Variants in LRFN3 observed in about 807,000 individuals in gnomAD.
LRFN3 encodes leucine-rich repeat and fibronectin type-III domain-containing protein 3.
A neutral mutation model predicts 23.8 loss-of-function variants in LRFN3; 8 were observed. The observed-to-expected ratio is 0.34, with a 90% CI of 0.20 to 0.61. The LOEUF is 0.61. Ranked by LOEUF, LRFN3 falls within the 20% of genes least tolerant of loss-of-function variation. The pLI is 0.80. For synonymous variants in LRFN3, 451 were observed against 450.6 expected, an observed-to-expected ratio of 1.00 and a Z score of -0.01; for missense variants, 736 against 935.3, an observed-to-expected ratio of 0.79 and a Z score of 2.78.
rs1305106269 is a variant in LRFN3, at chr19:35,940,519, C to T, written c.1094C>T (p.Thr365Ile). Residue 365 changes from threonine (T) to isoleucine (I), a missense_variant, in exon 2 of 3, where the codon ACC becomes ATC. Thr to Ile is a moderately conservative substitution (Grantham distance 89). Transcript: ENST00000246529. The stretch of plus-strand genomic sequence containing the variant: ...GAGCCGGGTGATGGTGGCATCTTCA[C>T]CTGCATTGCGGCCAATGCAGCTGGC... The part of the protein sequence containing the change: ...VTEPGDGGIF[T>I]CIAANAAGEA... 1.2e-6 allele frequency: 2 copies of T among 1,612,454 alleles called. No individual in the cohort carries two copies. Among genetic ancestry groups the T allele is most frequent in the Non-Finnish European group, 8.5e-7 (1 of 1,179,852 alleles).
chr19:35,944,730 C>T lies in LRFN3; in HGVS notation c.1598C>T (p.Pro533Leu). ...CGGCCATGCGGGGCGCCGCACGCTC[C>T]CTTCCTGGGCGGCACGATGATCATC... ...ALRPCGAPHA[P>L]FLGGTMIIAL... The change falls in exon 3 of 3, where the codon CCC becomes CTC. Residue 533 changes from proline to leucine, a missense_variant. Pro to Leu is a moderately conservative substitution (Grantham distance 98). Transcript: ENST00000246529. The surrounding 1 kb of genome is among the most constrained non-coding windows in gnomAD (Gnocchi z 4.5). The T allele has an allele frequency of 6.2e-7, 1 of 1,606,764 alleles. No homozygotes were observed. Among genetic ancestry groups the T allele is most frequent in the Non-Finnish European group, 8.5e-7 (1 of 1,177,028 alleles).
chr19:35,940,469 T>C lies in LRFN3; in HGVS notation c.1044T>C (p.Asn348=). ...CAAGCCGTGCCCGCGCCTTCCCCAATGGGACGCTGGAGCTGCTGGTCACCG... is the reference window on the plus strand; with the variant it reads ...CAAGCCGTGCCCGCGCCTTCCCCAACGGGACGCTGGAGCTGCTGGTCACCG... ...GNSSRARAFP[N]GTLELLVTEP... Residue 348 remains asparagine (N), a synonymous_variant, in exon 2 of 3, where the codon AAT becomes AAC. Transcript: ENST00000246529. 6.2e-7 allele frequency: 1 copy of C among 1,609,936 alleles called. No homozygotes were observed.
intron 2 of LRFN3, among the ~76,000 whole-genome samples, chr19:35,941,977 G>A (rs1158777092): frequency 6.6e-6 from 1 of 151,876 alleles, no homozygotes; most frequent in Non-Finnish European, 1.5e-5. Context: ...CCGCCTCCCA[G>A]GTTCATGCCA....
In LRFN3 at chr19:35,940,199, G is replaced by A. The variant is rs780052653; in HGVS notation, c.774G>A (p.Val258=). 8.7e-6 allele frequency: 14 copies of A among 1,609,606 alleles called. No homozygotes were observed. The South Asian group carries it at 1.4e-4, about 16-fold the overall frequency. Residue 258 remains valine (V), a synonymous_variant, in exon 2 of 3, where the codon GTG becomes GTA. Transcript: ENST00000246529. ...GNPLHCNCEL[V]WLRRLAREDD... ...CCCTGCACTGCAACTGCGAGCTGGT[G>A]TGGCTGCGTCGCCTGGCGCGGGAGG... is the stretch of plus-strand genomic sequence containing the variant.
intron 2 of LRFN3, among the ~76,000 whole-genome samples, chr19:35,941,149 C>T (rs78389250): frequency 0.062 from 9,365 of 151,916 alleles, 410 homozygotes; most frequent in Middle Eastern, 0.13. Context: ...TAAGGATAAA[C>T]GAAATCAGGC....
In LRFN3 at chr19:35,939,374, C is replaced by A. The variant is rs1976089437; in HGVS notation, c.-16-36C>A. 6.5e-7 allele frequency: 1 copy of A among 1,528,590 alleles called. No homozygotes were observed. The highest frequency in any genetic ancestry group is 8.8e-7 in the Non-Finnish European group (1 of 1,139,614). The allele number at this position is 1,528,590 out of a possible 1,614,324, so 94.7% of individuals were successfully genotyped here. A position where few individuals can be genotyped will look rare whatever the true frequency, so the allele number is the denominator to read the frequency against. Reference sequence around the variant, plus strand: ...GACCACCCCCAGCCCCTGCAGAACCCCTCTTCTGCCCTCACGCCTCCCCTC... The same window carrying A: ...GACCACCCCCAGCCCCTGCAGAACCACTCTTCTGCCCTCACGCCTCCCCTC... On this transcript the variant is annotated intron_variant, in intron 1 of 2. Transcript: ENST00000246529. The surrounding 1 kb of genome is among the most constrained non-coding windows in gnomAD (Gnocchi z 6.4).
chr19:35,938,093 G>A (rs977271487), intron 1 of LRFN3, among the ~76,000 whole-genome samples: 7 of 151,986 alleles, frequency 4.6e-5, no homozygotes, highest in African/African-American at 1.5e-4. Flanking sequence ...GTCTGTGACC[G>A]TCCCCATCCA....
chr19:35,944,782 G>T lies in LRFN3; in HGVS notation c.1650G>T (p.Ser550=), dbSNP rs759246987. Reference sequence around the variant, plus strand: ...CGCTGGGCGGCGTCATCGTAGCCTCGGTACTGGTCTTCATCTTCGTGCTGC... The same window carrying T: ...CGCTGGGCGGCGTCATCGTAGCCTCTGTACTGGTCTTCATCTTCGTGCTGC... ...IIALGGVIVA[S]VLVFIFVLLM... Residue 550 remains serine, a synonymous_variant, in exon 3 of 3, where the codon TCG becomes TCT. Coordinates refer to ENST00000246529, the MANE Select transcript of LRFN3 (RefSeq NM_024509.2). The surrounding 1 kb of genome is among the most constrained non-coding windows in gnomAD (Gnocchi z 4.5). 5.6e-6 allele frequency: 9 copies of T among 1,611,106 alleles called. No individual in the cohort carries two copies. In the African/African-American group the frequency reaches 9.4e-5, roughly 17 times the overall value.
chr19:35,937,759 A>G (rs2145298437), intron 1 of LRFN3, among the ~76,000 whole-genome samples: 1 of 152,230 alleles, frequency 6.6e-6, no homozygotes, highest in East Asian at 1.9e-4. Flanking sequence ...TCCCTGCCTC[A>G]GTTGATGGGA....
chr19:35,939,879 G>A lies in LRFN3; in HGVS notation c.454G>A (p.Asp152Asn). The A allele has an allele frequency of 6.2e-7, 1 of 1,601,446 alleles. No homozygotes were observed. The highest frequency in any genetic ancestry group is 8.5e-7 in the Non-Finnish European group (1 of 1,179,800). Residue 152 changes from aspartate (D) to asparagine (N), a missense_variant, in exon 2 of 3, where the codon GAT becomes AAT. By Grantham distance (23) the Asp-to-Asn change is conservative. Around this residue, in one of 2 missense-constraint regions of LRFN3, gnomAD observed 446 missense variants for 647.9 expected, o/e 0.69. Coordinates refer to ENST00000246529, the MANE Select transcript of LRFN3 (RefSeq NM_024509.2). This position sits in a 1 kb window ranked among gnomAD's most constrained non-coding sequence, Gnocchi z 6.4. ...GGCAGCGCTGGCGGCCGGCGCCCTG[G>A]ATGATTGTGCCGAGACACTGGAGGA... Reference protein sequence around the residue: ...QLAALAAGALDDCAETLEDLD... With the variant: ...QLAALAAGALNDCAETLEDLD...
In LRFN3 at chr19:35,944,725, C is replaced by G. The variant is rs140841436; in HGVS notation, c.1593C>G (p.His531Gln). ...CGCTGCGGCCATGCGGGGCGCCGCACGCTCCCTTCCTGGGCGGCACGATGA... is the reference window on the plus strand; with the variant it reads ...CGCTGCGGCCATGCGGGGCGCCGCAGGCTCCCTTCCTGGGCGGCACGATGA... ...EPALRPCGAP[H>Q]APFLGGTMII... The change falls in exon 3 of 3, where the codon CAC becomes CAG. Residue 531 changes from histidine to glutamine, a missense_variant. Transcript: ENST00000246529. The surrounding 1 kb of genome is among the most constrained non-coding windows in gnomAD (Gnocchi z 4.5). 3 of 1,605,850 alleles carry G rather than the reference C, an allele frequency of 1.9e-6. No individual in the cohort carries two copies. The highest frequency in any genetic ancestry group is 1.1e-5 in the South Asian group (1 of 89,994).
intron 2 of LRFN3, among the ~76,000 whole-genome samples, chr19:35,941,646 A>G (rs1017059981): frequency 3.4e-5 from 5 of 149,170 alleles, no homozygotes; most frequent in Non-Finnish European, 7.4e-5. Flanking sequence ...TCGGCTCACT[A>G]CAACCTCCAC....
chr19:35,939,746 G>GGCCCTGCGT lies in LRFN3; in HGVS notation c.329_337dup (p.Arg110_Leu112dup). 4 of 1,604,104 alleles carry GGCCCTGCGT rather than the reference G, an allele frequency of 2.5e-6. No homozygotes were observed. Among genetic ancestry groups the GGCCCTGCGT allele is most frequent in the Non-Finnish European group, 3.4e-6 (4 of 1,178,812 alleles). On this transcript the variant is annotated inframe_insertion, in exon 2 of 3. Coordinates refer to ENST00000246529, the MANE Select transcript of LRFN3 (RefSeq NM_024509.2). This position sits in a 1 kb window ranked among gnomAD's most constrained non-coding sequence, Gnocchi z 6.4. ...CTGCCGGCGCCTTCGCCGACCTGCGGGCCCTGCGTGCCCTGCACCTGGATG... is the reference window on the plus strand; with the variant it reads ...CTGCCGGCGCCTTCGCCGACCTGCGGGCCCTGCGTGCCCTGCGTGCCCTGCACCTGGATG...
chr19:35,942,638 C>G (rs967574495), intron 2 of LRFN3, among the ~76,000 whole-genome samples: 10 of 152,220 alleles, frequency 6.6e-5, no homozygotes, highest in Non-Finnish European at 4.4e-5. Flanking sequence ...GAAAAGGCCA[C>G]TTGATTTCCA....
chr19:35,943,234 G>A (rs12972746), intron 2 of LRFN3, among the ~76,000 whole-genome samples: 28 of 152,274 alleles, frequency 1.8e-4, no homozygotes, highest in Non-Finnish European at 3.2e-4. Flanking sequence ...GTGAAATTGG[G>A]TGGTAAGGAT....
rs1435634338 is a variant in LRFN3, at chr19:35,939,692, C to T, written c.267C>T (p.Ser89=). ...LANMTGLLHL[S]LSRNTIRHVA... ...ACATGACAGGCCTGCTGCATCTGAG[C>T]CTGTCGCGGAACACCATCCGCCACG... Residue 89 remains serine, a synonymous_variant, in exon 2 of 3, where the codon AGC becomes AGT. Coordinates refer to ENST00000246529, the MANE Select transcript of LRFN3 (RefSeq NM_024509.2). This position sits in a 1 kb window ranked among gnomAD's most constrained non-coding sequence, Gnocchi z 6.4. 2 of 1,606,152 alleles carry T rather than the reference C, an allele frequency of 1.2e-6. No homozygotes were observed. The highest frequency in any genetic ancestry group is 8.5e-7 in the Non-Finnish European group (1 of 1,178,624).
chr19:35,942,977 C>T (rs934275560), intron 2 of LRFN3, among the ~76,000 whole-genome samples: 9 of 150,752 alleles, frequency 6.0e-5, no homozygotes, highest in Non-Finnish European at 8.8e-5. Context: ...TGCAGTGAGC[C>T]GAGGCTGTGC....
rs2145297851 is a variant in LRFN3, at chr19:35,936,762, A to T, written c.-810A>T. On this transcript the variant is annotated 5_prime_UTR_variant, in exon 1 of 3. Transcript: ENST00000246529. ...GCCTGCACCCCCAGATTGAATCGGG[A>T]ATTCCGGAAACCCGAGCCTGGAACC... 6.6e-6 allele frequency: 1 copy of T among 152,290 alleles called. No homozygotes were observed. Among genetic ancestry groups the T allele is most frequent in the South Asian group, 2.1e-4 (1 of 4,834 alleles). The allele number at this position is 152,290 out of a possible 1,614,324, so 9.4% of individuals were successfully genotyped here.
Position 35,940,836 on chromosome 19 carries a change from T to C in LRFN3, c.1411T>C (p.Tyr471His), listed in dbSNP as rs1976112787. 2 of 1,562,228 alleles carry C rather than the reference T, an allele frequency of 1.3e-6. No individual in the cohort carries two copies. The highest frequency in any genetic ancestry group is 1.7e-6 in the Non-Finnish European group (2 of 1,148,362). Residue 471 changes from tyrosine to histidine, a missense_variant, in exon 2 of 3, where the codon TAC becomes CAC. Physicochemically the swap from Tyr to His is moderately conservative, Grantham distance 83. This residue lies in a region of LRFN3 where 290 missense variants were observed against 287.4 expected (regional missense o/e 1.01). Transcript: ENST00000246529. ...CAGCTCGGCTGATGACATCCTCGTC[T>C]ACAGGTGCAGGGTCCAGGCACTGGG... ...YNSSADDILV[Y>H]RMIPAESRSF...
Sources: allele counts gnomAD v4.1 joint callset (sites outside exome capture counted in the v4.1 genomes callset), GRCh38; gene constraint gnomAD v4.1.1; regional missense constraint gnomAD v4.1.1; non-coding constraint Gnocchi (gnomAD v3.1); transcripts MANE v1.5; gene names NCBI Gene and HGNC (gene_info 2026-07-23, HGNC 2026-07-21).